The following CEP57L1 variants were observed in gnomAD, a reference collection of about 807,000 sequenced individuals.
The protein encoded by CEP57L1 is centrosomal protein CEP57L1.
In CEP57L1, 37 loss-of-function variants were observed where a neutral mutation model predicts 61.0. The observed-to-expected ratio is 0.61, with a 90% confidence interval of 0.47 to 0.80. The LOEUF is 0.80. Among genes scored for constraint, CEP57L1 ranks in the 30% least tolerant of loss-of-function variants. CEP57L1 has a pLI of 0.00. For missense variants in CEP57L1, 422 were observed against 524.7 expected (o/e 0.80, Z 1.91); for synonymous variants, 137 against 162.3 (o/e 0.84, Z 1.19).
chr6:109,143,711 A>G (rs1443667823), intron 1 of CEP57L1, among the ~76,000 whole-genome samples: 1 of 152,144 alleles, frequency 6.6e-6, no homozygotes, highest in Non-Finnish European at 1.5e-5. Context: ...GGTTTGTGAA[A>G]TAATATTATA....
At chr6:109,154,175 G>A (rs1772974463) in intron 5 of CEP57L1, among the ~76,000 whole-genome samples, 1 of 152,102 alleles carries the variant, frequency 6.6e-6, no homozygotes, top group South Asian at 2.1e-4. Context: ...TTCTAATATG[G>A]CAGGATATTT....
At chr6:109,158,370 TC>T in intron 7 of CEP57L1, 1 of 277,630 alleles carries the variant, frequency 3.6e-6, no homozygotes, top group Non-Finnish European at 7.0e-6. Flanking sequence ...ACACCTGTAA[TC>T]CCAGCTACTC....
chr6:109,161,981 A>G (rs1028978336), intron 10 of CEP57L1, among the ~76,000 whole-genome samples: 1 of 152,074 alleles, frequency 6.6e-6, no homozygotes, highest in African/African-American at 2.4e-5. Flanking sequence ...TTGGACTTTG[A>G]AGAAATTGAT....
At chr6:109,101,705 C>T (rs909617900) in intron 1 of CEP57L1, among the ~76,000 whole-genome samples, 16 of 151,542 alleles carry the variant, frequency 1.1e-4, no homozygotes, top group African/African-American at 3.9e-4. Flanking sequence ...ACTGCAAACT[C>T]CGCTGCCGGG....
At position 109,099,296 on chromosome 6, in the gene CEP57L1, C is replaced by CTG. The variant is rs201271917; in HGVS notation, c.-4+3722_-4+3723dup. On this transcript the variant is annotated intron_variant, in intron 1 of 10. Coordinates refer to ENST00000517392, the MANE Select transcript of CEP57L1 (RefSeq NM_001271852.3). ...GATTTGGAGTTCTCTGCAAAGGTGA[C>CTG]TGAAGGAGCAGCCAGTGAGCAGAGA... Among the ~76,000 whole-genome samples, 1,263 of 152,158 alleles carry CTG rather than the reference C, an allele frequency of 8.3e-3. 24 individuals carry two copies. Among genetic ancestry groups the CTG allele is most frequent in the African/African-American group, 0.029 (1,213 of 41,502 alleles).
At chr6:109,105,822 G>A (rs931896274) in intron 1 of CEP57L1, among the ~76,000 whole-genome samples, 1 of 152,148 alleles carries the variant, frequency 6.6e-6, no homozygotes, top group African/African-American at 2.4e-5. Flanking sequence ...GCAGGGGTGA[G>A]CAACAGGTGA....
intron 1 of CEP57L1, among the ~76,000 whole-genome samples, chr6:109,139,643 G>A (rs957536015): frequency 3.3e-5 from 5 of 151,762 alleles, no homozygotes; most frequent in African/African-American, 4.8e-5. Flanking sequence ...CTGCCACCAC[G>A]CTCAGCCAAT....
At chr6:109,137,938 A>G (rs1218999334) in intron 1 of CEP57L1, among the ~76,000 whole-genome samples, 1 of 152,246 alleles carries the variant, frequency 6.6e-6, no homozygotes, top group African/African-American at 2.4e-5. Flanking sequence ...GCAGGTGACA[A>G]TTGAGCAGAG....
chr6:109,144,890 T>A (rs1771788812), intron 1 of CEP57L1, among the ~76,000 whole-genome samples: 1 of 152,034 alleles, frequency 6.6e-6, no homozygotes, highest in African/African-American at 2.4e-5. Context: ...GTCACACTGC[T>A]TATAGAGAAG....
rs779451274 is a variant in CEP57L1 at position 109,159,394 on chromosome 6, C to A, written c.948C>A (p.Ser316=). The A allele has an allele frequency of 6.2e-7, 1 of 1,613,772 alleles. No individual in the cohort carries two copies. Residue 316 remains serine, a synonymous_variant, in exon 9 of 11, where the codon TCC becomes TCA. Coordinates refer to ENST00000517392, the MANE Select transcript of CEP57L1 (RefSeq NM_001271852.3). ...CTATTCCTCCTGACTCAGAAAAGTC[C>A]ATTTCCATTTGTGACAATTTATCTG... The part of the protein sequence containing the change: ...CKAIPPDSEK[S]ISICDNLSEL...
chr6:109,158,742 G>A (rs1166326823), intron 7 of CEP57L1: 2 of 516,282 alleles, frequency 3.9e-6, no homozygotes, highest in African/African-American at 3.9e-5. Context: ...TTTTCTCTGT[G>A]TGCTTGCCAA....
At position 109,159,374 on chromosome 6, in the gene CEP57L1, C is replaced by T; in HGVS notation, c.928C>T (p.Pro310Ser). The T allele has an allele frequency of 6.2e-7, 1 of 1,614,034 alleles. No individual in the cohort carries two copies. The highest frequency in any genetic ancestry group is 1.7e-4 in the Middle Eastern group (1 of 6,060). The change falls in exon 9 of 11, where the codon CCT becomes TCT. Residue 310 changes from proline (P) to serine (S), a missense_variant. Coordinates refer to ENST00000517392, the MANE Select transcript of CEP57L1 (RefSeq NM_001271852.3). ...SRTTSWCKAI[P>S]PDSEKSISIC... ...AACAACTTCCTGGTGTAAAGCTATT[C>T]CTCCTGACTCAGAAAAGTCCATTTC...
At chr6:109,098,654 T>C (rs1280549932) in intron 1 of CEP57L1, among the ~76,000 whole-genome samples, 1 of 151,964 alleles carries the variant, frequency 6.6e-6, no homozygotes, top group East Asian at 1.9e-4. Flanking sequence ...CTGAGATAAT[T>C]TTTGTCTTTT....
At chr6:109,159,984 C>T (rs1166613121) in intron 9 of CEP57L1, among the ~76,000 whole-genome samples, 1 of 152,150 alleles carries the variant, frequency 6.6e-6, no homozygotes, top group Non-Finnish European at 1.5e-5. Context: ...GTTTTAGACT[C>T]TGGCTGGTCT....
At chr6:109,129,499 T>C in intron 1 of CEP57L1, 2 of 464,728 alleles carry the variant, frequency 4.3e-6, no homozygotes, top group Non-Finnish European at 8.5e-6. Flanking sequence ...GAAGGTAGAG[T>C]ACTCTTCTGG....
At chr6:109,118,687 C>A (rs781270160) in intron 1 of CEP57L1, among the ~76,000 whole-genome samples, 1 of 152,166 alleles carries the variant, frequency 6.6e-6, no homozygotes, top group Non-Finnish European at 1.5e-5. Flanking sequence ...TATGACAAAC[C>A]CGTGTTTGTG....
At chr6:109,110,352 T>C (rs959862361) in intron 1 of CEP57L1, among the ~76,000 whole-genome samples, 5 of 152,236 alleles carry the variant, frequency 3.3e-5, no homozygotes, top group Non-Finnish European at 7.3e-5. Flanking sequence ...TTGAGAAGTG[T>C]CTGTTCATAT....
In CEP57L1 at chr6:109,170,836, A is replaced by G. The variant is rs1774368252; in HGVS notation, c.*7866A>G. Among the ~76,000 whole-genome samples the G allele has an allele frequency of 6.6e-6, 1 of 151,808 alleles. No homozygotes were observed. Among genetic ancestry groups the G allele is most frequent in the Non-Finnish European group, 1.5e-5 (1 of 67,986 alleles). On this transcript the variant is annotated 3_prime_UTR_variant, in exon 11 of 11. Coordinates refer to ENST00000517392, the MANE Select transcript of CEP57L1 (RefSeq NM_001271852.3). ...TGTTGAAATGCTTGAACACATAAAA[A>G]GCATTATTGCCTTCATTTTCCCTGA...
At chr6:109,114,756 A>G (rs185782122) in intron 1 of CEP57L1, among the ~76,000 whole-genome samples, 1 of 152,244 alleles carries the variant, frequency 6.6e-6, no homozygotes, top group East Asian at 1.9e-4. Flanking sequence ...ATGGGGTACA[A>G]AGTTAAGTTA....
Sources: allele counts gnomAD v4.1 joint callset (sites outside exome capture counted in the v4.1 genomes callset), GRCh38; gene constraint gnomAD v4.1.1; transcripts MANE v1.5; gene names NCBI Gene and HGNC (gene_info 2026-07-23, HGNC 2026-07-21).